ACTL8: variants seen among roughly 807,000 people sequenced by gnomAD.
The protein encoded by ACTL8 is actin like 8.
In ACTL8, 3 loss-of-function variants were observed where a neutral mutation model predicts 9.3. The observed-to-expected ratio is 0.32, with a 90% CI of 0.15 to 0.83. The LOEUF (loss-of-function observed/expected upper bound fraction) is 0.83. ACTL8 is among the 40% of genes least tolerant of loss of function. The pLI is 0.57. For synonymous variants in ACTL8, 224 were observed against 205.9 expected (o/e 1.09, Z -0.75); for missense variants, 381 against 492.2 (o/e 0.77, Z 2.14).
intron 2 of ACTL8, among the ~76,000 whole-genome samples, chr1:17,824,453 G>A (rs1342915663): frequency 2.0e-5 from 3 of 152,184 alleles, no homozygotes; most frequent in Non-Finnish European, 4.4e-5. Flanking sequence ...GGCAGAGTGT[G>A]CTTTCATACG....
At chr1:17,812,971 T>C (rs889583527) in intron 1 of ACTL8, among the ~76,000 whole-genome samples, 3 of 152,224 alleles carry the variant, frequency 2.0e-5, no homozygotes, top group African/African-American at 7.2e-5. Context: ...TAAAATATAA[T>C]TGGTTTTTAA....
At chr1:17,811,272 A>G (rs900796796) in intron 1 of ACTL8, among the ~76,000 whole-genome samples, 6 of 152,200 alleles carry the variant, frequency 3.9e-5, no homozygotes, top group Non-Finnish European at 7.3e-5. Context: ...TCTTTGGCCC[A>G]TCTTTGGAAG....
intron 1 of ACTL8, among the ~76,000 whole-genome samples, chr1:17,812,285 A>G (rs2066398175): frequency 6.6e-6 from 1 of 152,194 alleles, no homozygotes; most frequent in East Asian, 1.9e-4. Context: ...CTTTAGAATC[A>G]ACTTGTTGAT....
intron 1 of ACTL8, among the ~76,000 whole-genome samples, chr1:17,817,882 A>G (rs1285042995): frequency 6.6e-6 from 1 of 151,876 alleles, no homozygotes; most frequent in Non-Finnish European, 1.5e-5. Context: ...TGTATTTTTC[A>G]GTAGAGACGG....
intron 1 of ACTL8, among the ~76,000 whole-genome samples, chr1:17,774,582 G>A (rs1180912433): frequency 6.6e-6 from 1 of 152,132 alleles, no homozygotes; most frequent in African/African-American, 2.4e-5. Flanking sequence ...CCACTGTCAG[G>A]GGGAAGGGTG....
At chr1:17,783,108 G>T (rs759900467) in intron 1 of ACTL8, among the ~76,000 whole-genome samples, 2 of 152,166 alleles carry the variant, frequency 1.3e-5, no homozygotes, top group Non-Finnish European at 2.9e-5. Flanking sequence ...AGGGAACAGA[G>T]ATTTAAAGGT....
At chr1:17,793,783 C>CG (rs2066258294) in intron 1 of ACTL8, among the ~76,000 whole-genome samples, 1 of 152,156 alleles carries the variant, frequency 6.6e-6, no homozygotes, top group South Asian at 2.1e-4. Context: ...CTCCACCTCC[C>CG]GGCCTGTGTC....
intron 1 of ACTL8, among the ~76,000 whole-genome samples, chr1:17,772,214 C>T (rs4920636): frequency 0.28 from 43,128 of 152,106 alleles, 6,634 homozygotes; most frequent in Admixed American, 0.37. Context: ...CCTAATGTAT[C>T]GATTGCATTG....
At chr1:17,789,772 A>G (rs1485393614) in intron 1 of ACTL8, among the ~76,000 whole-genome samples, 4 of 151,162 alleles carry the variant, frequency 2.6e-5, no homozygotes, top group Non-Finnish European at 4.4e-5. Context: ...AGAAAGAGAG[A>G]TAACATTTTC....
intron 1 of ACTL8, among the ~76,000 whole-genome samples, chr1:17,813,329 G>A (rs11806660): frequency 0.023 from 3,481 of 152,266 alleles, 129 homozygotes; most frequent in African/African-American, 0.077. Flanking sequence ...CCTAGTTAAA[G>A]ATTTTTATGA....
rs1429223536 is a variant in ACTL8 at position 17,787,231 on chromosome 1, C to T, written c.-25+31727C>T. ...GGATCTTTTCTTATTCAACCATGTCCTATGGAAATCCTCCCACCTCAATAG... is the reference window on the plus strand; with the variant it reads ...GGATCTTTTCTTATTCAACCATGTCTTATGGAAATCCTCCCACCTCAATAG... On this transcript the variant is annotated intron_variant, in intron 1 of 2. Coordinates refer to ENST00000375406, the MANE Select transcript of ACTL8 (RefSeq NM_030812.3). Among the ~76,000 whole-genome samples the T allele has an allele frequency of 2.6e-5, 4 of 152,162 alleles. No homozygotes were observed. The South Asian group carries it at 8.3e-4, about 32-fold the overall frequency.
At chr1:17,760,473 T>C (rs981321585) in intron 1 of ACTL8, among the ~76,000 whole-genome samples, 1 of 152,156 alleles carries the variant, frequency 6.6e-6, no homozygotes, top group Non-Finnish European at 1.5e-5. Flanking sequence ...GCACTTGGCA[T>C]GGGGCTGGCA....
chr1:17,755,900 G>C (rs1437127074), intron 1 of ACTL8, among the ~76,000 whole-genome samples: 2 of 151,480 alleles, frequency 1.3e-5, no homozygotes, highest in Non-Finnish European at 2.9e-5. Context: ...CTCTATCTCA[G>C]CCTGATATGG....
chr1:17,798,730 C>A (rs1411109470), intron 1 of ACTL8, among the ~76,000 whole-genome samples: 1 of 152,218 alleles, frequency 6.6e-6, no homozygotes, highest in Non-Finnish European at 1.5e-5. Context: ...TACCATTTGT[C>A]TGGCCAAGGA....
intron 1 of ACTL8, among the ~76,000 whole-genome samples, chr1:17,756,264 T>G (rs1255828816): frequency 6.6e-6 from 1 of 151,858 alleles, no homozygotes; most frequent in East Asian, 1.9e-4. Flanking sequence ...TTTTTAAACC[T>G]CTAGTGGGGG....
At chr1:17,781,110 C>CT (rs1264582618) in intron 1 of ACTL8, among the ~76,000 whole-genome samples, 3 of 152,120 alleles carry the variant, frequency 2.0e-5, no homozygotes, top group Non-Finnish European at 4.4e-5. Context: ...CTTCCAGCTT[C>CT]TGGGGAATCC....
In ACTL8 at chr1:17,825,935, C is replaced by T. The variant is rs1176888485; in HGVS notation, c.517C>T (p.Leu173=). ...CCCCTTGCCCGCCAGCGGCAAGACG[C>T]TGGAGTTCGCCGGCCAGGATCTCTC... ...GRPLPASGKT[L]EFAGQDLSAY... The change falls in exon 3 of 3, where the codon CTG becomes TTG. Residue 173 remains leucine, a synonymous_variant. Transcript: ENST00000375406. The T allele has an allele frequency of 6.2e-7, 1 of 1,611,954 alleles. No individual in the cohort carries two copies. Among genetic ancestry groups the T allele is most frequent in the Non-Finnish European group, 8.5e-7 (1 of 1,180,018 alleles).
At chr1:17,819,577 C>T (rs80202886) in intron 1 of ACTL8, among the ~76,000 whole-genome samples, 3,105 of 152,302 alleles carry the variant, frequency 0.02, 103 homozygotes, top group African/African-American at 0.07. Context: ...ATGCTGCCTT[C>T]GGGCTGAGCT....
Position 17,826,623 on chromosome 1 carries a change from G to A in ACTL8, c.*104G>A. On this transcript the variant is annotated 3_prime_UTR_variant, in exon 3 of 3. Coordinates refer to ENST00000375406, the MANE Select transcript of ACTL8 (RefSeq NM_030812.3). This position sits in a 1 kb window ranked among gnomAD's most constrained non-coding sequence, Gnocchi z 4.5. The stretch of plus-strand genomic sequence containing the variant: ...GGGGTAGAATGAGGTGGGGTGGGGT[G>A]AGCTGGCTTTGGAATTCTAGGGGCA... 8.1e-7 allele frequency: 1 copy of A among 1,240,428 alleles called. No individual in the cohort carries two copies. Among genetic ancestry groups the A allele is most frequent in the Non-Finnish European group, 1.1e-6 (1 of 927,888 alleles). 76.8% of individuals were successfully genotyped at this position (1,240,428 alleles called of 1,614,324 possible). A position where few individuals can be genotyped will look rare whatever the true frequency, so the allele number is the denominator to read the frequency against.
Sources: allele counts gnomAD v4.1 joint callset (sites outside exome capture counted in the v4.1 genomes callset), GRCh38; gene constraint gnomAD v4.1.1; non-coding constraint Gnocchi (gnomAD v3.1); transcripts MANE v1.5; gene names NCBI Gene and HGNC (gene_info 2026-07-23, HGNC 2026-07-21).